Variants in ATP2B2 observed in about 807,000 individuals in gnomAD.
The protein encoded by ATP2B2 is plasma membrane calcium-transporting ATPase 2.
A neutral mutation model predicts 120.0 loss-of-function variants in ATP2B2; 15 were observed. That is an observed-to-expected ratio of 0.12 (90% CI 0.08 to 0.19). The LOEUF is 0.19. Among genes scored for constraint, ATP2B2 ranks in the 10% least tolerant of loss-of-function variants. ATP2B2 has a pLI of 1.00. For missense variants in ATP2B2, 1,045 were observed against 1,719.8 expected (o/e 0.61, Z 6.94); for synonymous variants, 694 against 700.3 (o/e 0.99, Z 0.14).
intron 1 of ATP2B2, among the ~76,000 whole-genome samples, chr3:10,654,663 G>A (rs1189360358): frequency 3.9e-5 from 6 of 152,082 alleles, no homozygotes; most frequent in African/African-American, 4.8e-5. Flanking sequence ...AGTGCAGAAG[G>A]TCCCAGGAGG....
rs1375026415 is a variant in ATP2B2, at chr3:10,392,506, A to C, written c.782-4104T>G. ...CAGAAGCAATTAATGGCAGAGCAAC[A>C]GACATCCAAGTCAAAGCGCAGTGGG... On this transcript the variant is annotated intron_variant, in intron 5 of 22. Coordinates refer to ENST00000360273, the MANE Select transcript of ATP2B2 (RefSeq NM_001001331.4). Among the ~76,000 whole-genome samples, 3 of 152,250 alleles carry C rather than the reference A, an allele frequency of 2.0e-5. No homozygotes were observed. The East Asian group carries it at 5.8e-4, about 29-fold the overall frequency.
chr3:10,378,184 ATGGGGCAGGGCTCTGCC>A, intron 10 of ATP2B2, 51 bp downstream of exon 10: 1 of 1,563,700 alleles, frequency 6.4e-7, no homozygotes. Flanking sequence ...GAGGCCGAGC[ATGGGGCAGGGCTCTGCC>A]TGGGGTCCCC....
Position 10,449,442 on chromosome 3 carries a change from G to A in ATP2B2, c.102C>T (p.Leu34=), listed in dbSNP as rs895248005. 6.2e-7 allele frequency: 1 copy of A among 1,614,258 alleles called. No individual in the cohort carries two copies. Among genetic ancestry groups the A allele is most frequent in the South Asian group, 1.1e-5 (1 of 91,086 alleles). The change falls in exon 2 of 23, where the codon CTC becomes CTT. Residue 34 remains leucine (L), a synonymous_variant. Transcript: ENST00000360273. ...FGCTMEELRS[L]MELRGTEAVV... ...CAGCCTCAGTGCCCCGCAGCTCCATGAGGGAGCGGAGCTCCTCCATTGTGC... is the reference window on the plus strand; with the variant it reads ...CAGCCTCAGTGCCCCGCAGCTCCATAAGGGAGCGGAGCTCCTCCATTGTGC...
chr3:10,401,220 G>A (rs2062208736), intron 4 of ATP2B2, 142 bp from the exon 5 acceptor site: 1 of 1,132,238 alleles, frequency 8.8e-7, no homozygotes, highest in South Asian at 1.4e-5. Flanking sequence ...GAACCAAGAT[G>A]GTGCCCATAG....
chr3:10,599,408 G>A (rs1252707316), intron 2 of ATP2B2, among the ~76,000 whole-genome samples: 1 of 152,180 alleles, frequency 6.6e-6, no homozygotes, highest in South Asian at 2.1e-4. Context: ...TCACTAGGAA[G>A]CTTTCCCCTC....
chr3:10,492,015 G>A (rs2065951403), intron 1 of ATP2B2, among the ~76,000 whole-genome samples: 1 of 152,374 alleles, frequency 6.6e-6, no homozygotes, highest in African/African-American at 2.4e-5. Context: ...AATGTGGGAT[G>A]TGAGGAGAGG....
intron 1 of ATP2B2, among the ~76,000 whole-genome samples, chr3:10,450,408 C>T (rs1208537422): frequency 6.6e-6 from 1 of 152,092 alleles, no homozygotes; most frequent in Non-Finnish European, 1.5e-5. Context: ...ATACACGGTT[C>T]CCAGGTTCCC....
At chr3:10,512,750 C>T (rs1378716770) in intron 3 of ATP2B2, among the ~76,000 whole-genome samples, 2 of 152,220 alleles carry the variant, frequency 1.3e-5, no homozygotes, top group East Asian at 3.9e-4. Flanking sequence ...TTCCCTGTCA[C>T]TCCAGCCCCA....
At chr3:10,573,623 C>G (rs868242866) in intron 2 of ATP2B2, among the ~76,000 whole-genome samples, 5 of 152,312 alleles carry the variant, frequency 3.3e-5, no homozygotes, top group Non-Finnish European at 4.4e-5. Flanking sequence ...TAACAAGTGT[C>G]TCAGAGGCTT....
chr3:10,471,555 C>G (rs2065004861), intron 1 of ATP2B2, among the ~76,000 whole-genome samples: 1 of 150,962 alleles, frequency 6.6e-6, no homozygotes, highest in Non-Finnish European at 1.5e-5. Flanking sequence ...ACTTGAGAGG[C>G]TAGGAGTGGG....
chr3:10,450,601 G>T (rs2064004498), intron 1 of ATP2B2, among the ~76,000 whole-genome samples: 1 of 152,206 alleles, frequency 6.6e-6, no homozygotes, highest in African/African-American at 2.4e-5. Flanking sequence ...GTCATACATA[G>T]TCACAAGAAT....
chr3:10,687,803 G>A (rs1220728240), intron 1 of ATP2B2, among the ~76,000 whole-genome samples: 1 of 152,138 alleles, frequency 6.6e-6, no homozygotes, highest in Non-Finnish European at 1.5e-5. Flanking sequence ...GGAGGTTGCA[G>A]TGAGCTGAGA....
At chr3:10,374,769 C>G (rs748532779) in intron 11 of ATP2B2, among the ~76,000 whole-genome samples, 2 of 152,190 alleles carry the variant, frequency 1.3e-5, no homozygotes, top group Non-Finnish European at 2.9e-5. Flanking sequence ...TAGAAAGGTC[C>G]CAGACCAAGC....
At chr3:10,358,389 T>A (rs1243648739) in intron 14 of ATP2B2, among the ~76,000 whole-genome samples, 1 of 152,234 alleles carries the variant, frequency 6.6e-6, no homozygotes. Context: ...CACCTGTCCC[T>A]TGGGGGACCA....
intron 1 of ATP2B2, among the ~76,000 whole-genome samples, chr3:10,476,458 T>G (rs1284418515): frequency 6.6e-6 from 1 of 152,150 alleles, no homozygotes; most frequent in African/African-American, 2.4e-5. Context: ...CCAGAAAGCA[T>G]GGGAACAACG....
At chr3:10,519,739 G>C (rs2066945308) in intron 3 of ATP2B2, among the ~76,000 whole-genome samples, 1 of 152,238 alleles carries the variant, frequency 6.6e-6, no homozygotes, top group African/African-American at 2.4e-5. Context: ...AATATTGTTT[G>C]GGTGTTTACT....
chr3:10,423,373 G>T (rs917735221), intron 2 of ATP2B2, among the ~76,000 whole-genome samples: 3 of 152,140 alleles, frequency 2.0e-5, no homozygotes, highest in East Asian at 1.9e-4. Flanking sequence ...GTCCAGGGAG[G>T]TTCAGCTCCC....
intron 2 of ATP2B2, among the ~76,000 whole-genome samples, chr3:10,543,992 G>A (rs1416663978): frequency 6.6e-6 from 1 of 152,156 alleles, no homozygotes; most frequent in Non-Finnish European, 1.5e-5. Context: ...GCTTGCCTCG[G>A]CCTCCCAAAG....
chr3:10,355,391 G>C (rs1000846088), intron 14 of ATP2B2, among the ~76,000 whole-genome samples: 1 of 152,174 alleles, frequency 6.6e-6, no homozygotes, highest in African/African-American at 2.4e-5. Context: ...GACATCCCAG[G>C]GGTGAGCCAA....
Sources: gnomAD v4.1 joint callset for allele counts (sites outside exome capture counted in the v4.1 genomes callset) on GRCh38, gnomAD v4.1.1 for gene constraint, MANE v1.5 for transcripts, NCBI Gene and HGNC (gene_info 2026-07-23, HGNC 2026-07-21) for gene names.